The following RXFP1 variants were observed in gnomAD, a reference collection of about 807,000 sequenced individuals.
RXFP1 encodes the protein relaxin family peptide receptor 1.
In RXFP1, 73 loss-of-function variants were observed where a neutral mutation model predicts 89.8. The observed-to-expected ratio is 0.81, with a 90% CI of 0.67 to 0.99. RXFP1 has a LOEUF of 0.99. Among genes scored for constraint, RXFP1 ranks in the 50% least tolerant of loss-of-function variants. RXFP1 has a pLI of 0.00. For missense variants in RXFP1, 793 were observed against 895.5 expected, an observed-to-expected ratio of 0.89 and a Z score of 1.46; for synonymous variants, 277 against 305.5, an observed-to-expected ratio of 0.91 and a Z score of 0.97.
intron 2 of RXFP1, among the ~76,000 whole-genome samples, chr4:158,589,525 A>G (rs1193083218): frequency 2.6e-5 from 4 of 152,146 alleles, no homozygotes; most frequent in Non-Finnish European, 4.4e-5. Flanking sequence ...GAAGCCTGGT[A>G]ATGAAAGGGC....
chr4:158,607,138 A>T, intron 5 of RXFP1: 1 of 1,534,876 alleles, frequency 6.5e-7, no homozygotes, highest in Non-Finnish European at 8.7e-7. Context: ...TGGGGCAAGT[A>T]CACATAGAAG....
In RXFP1 at chr4:158,552,999, A is replaced by G. The variant is rs558261486; in HGVS notation, c.50-19699A>G. Among the ~76,000 whole-genome samples, 40 of 152,288 alleles carry G rather than the reference A, an allele frequency of 2.6e-4. No individual in the cohort carries two copies. The South Asian group carries it at 3.1e-3, about 12-fold the overall frequency. On this transcript the variant is annotated intron_variant, in intron 1 of 17. Coordinates refer to ENST00000307765, the MANE Select transcript of RXFP1 (RefSeq NM_021634.4). ...CAGGAGTTTGAGACCAGCCTAGACAACATAGCAAGACCCTGCCTCTACAAA... is the reference window on the plus strand; with the variant it reads ...CAGGAGTTTGAGACCAGCCTAGACAGCATAGCAAGACCCTGCCTCTACAAA...
intron 1 of RXFP1, among the ~76,000 whole-genome samples, chr4:158,541,097 T>C (rs1222540704): frequency 6.6e-6 from 1 of 152,114 alleles, no homozygotes; most frequent in African/African-American, 2.4e-5. Flanking sequence ...TTGATGGCAT[T>C]CAGAGTCATG....
rs569791518 is a variant in RXFP1, at chr4:158,571,393, G to A, written c.50-1305G>A. Among the ~76,000 whole-genome samples, 617 of 152,274 alleles carry A rather than the reference G, an allele frequency of 4.1e-3. 8 individuals carry two copies. Among genetic ancestry groups the A allele is most frequent in the Non-Finnish European group, 7.7e-3 (524 of 68,030 alleles). Reference sequence around the variant, plus strand: ...GCAGTTAGGGTAAAAGAGGCTGGGCGCGGTGGCTCACACTTGTAATCCCAG... The same window carrying A: ...GCAGTTAGGGTAAAAGAGGCTGGGCACGGTGGCTCACACTTGTAATCCCAG... On this transcript the variant is annotated intron_variant, in intron 1 of 17. Coordinates refer to ENST00000307765, the MANE Select transcript of RXFP1 (RefSeq NM_021634.4).
chr4:158,636,633 C>T (rs1328556426), intron 12 of RXFP1, among the ~76,000 whole-genome samples: 1 of 152,146 alleles, frequency 6.6e-6, no homozygotes. Context: ...ATTTCACTGA[C>T]AAACAAAAAT....
intron 17 of RXFP1, among the ~76,000 whole-genome samples, chr4:158,648,975 T>G (rs1277565689): frequency 6.6e-6 from 1 of 152,146 alleles, no homozygotes; most frequent in African/African-American, 2.4e-5. Flanking sequence ...TAGCTGGGCA[T>G]GGTGGTGCAC....
intron 12 of RXFP1, among the ~76,000 whole-genome samples, chr4:158,634,603 T>C (rs1179120032): frequency 6.6e-6 from 1 of 152,206 alleles, no homozygotes; most frequent in Non-Finnish European, 1.5e-5. Flanking sequence ...CCAAATGTCA[T>C]TGGTGTCATG....
At chr4:158,596,808 A>G (rs775544010) in intron 3 of RXFP1, among the ~76,000 whole-genome samples, 2 of 152,192 alleles carry the variant, frequency 1.3e-5, no homozygotes, top group Non-Finnish European at 2.9e-5. Flanking sequence ...AAGAGAGAAA[A>G]TAATGGGTTA....
intron 12 of RXFP1, among the ~76,000 whole-genome samples, chr4:158,637,034 T>G (rs146232788): frequency 7.2e-4 from 109 of 152,352 alleles, no homozygotes; most frequent in African/African-American, 2.5e-3. Context: ...TGTAGCATAA[T>G]GTCCTCCAGA....
chr4:158,580,140 C>G (rs11935854), intron 2 of RXFP1, among the ~76,000 whole-genome samples: 6,040 of 152,118 alleles, frequency 0.04, 373 homozygotes, highest in African/African-American at 0.14. Flanking sequence ...TTAAGATGTG[C>G]TGGTTTGAAT....
intron 2 of RXFP1, among the ~76,000 whole-genome samples, chr4:158,591,079 C>A (rs1440122402): frequency 6.6e-6 from 1 of 152,112 alleles, no homozygotes; most frequent in Non-Finnish European, 1.5e-5. Flanking sequence ...AACCTCAGGT[C>A]TCACAAGAGT....
intron 1 of RXFP1, among the ~76,000 whole-genome samples, chr4:158,550,616 G>A (rs568894983): frequency 2.0e-5 from 3 of 152,282 alleles, no homozygotes; most frequent in South Asian, 4.1e-4. Context: ...TGATCTTAAA[G>A]GGTAAGATCT....
At chr4:158,561,572 T>C (rs1207753123) in intron 1 of RXFP1, among the ~76,000 whole-genome samples, 2 of 152,196 alleles carry the variant, frequency 1.3e-5, no homozygotes, top group Middle Eastern at 3.4e-3. Context: ...AAAACTCTTA[T>C]GTTTCCAAGC....
At chr4:158,595,986 CAA>C (rs33982853) in intron 3 of RXFP1, among the ~76,000 whole-genome samples, 97 of 113,018 alleles carry the variant, frequency 8.6e-4, no homozygotes, top group African/African-American at 1.8e-3. Flanking sequence ...CCAATCTCTC[CAA>C]AAAAAAAAAA....
At chr4:158,553,998 TGGG>T (rs901733561) in intron 1 of RXFP1, among the ~76,000 whole-genome samples, 2 of 152,122 alleles carry the variant, frequency 1.3e-5, no homozygotes, top group African/African-American at 4.8e-5. Context: ...AATCTTTGTT[TGGG>T]GGAACTGCCC....
chr4:158,542,109 A>ATATATATT, intron 1 of RXFP1, among the ~76,000 whole-genome samples: 39 of 35,234 alleles, frequency 1.1e-3, no homozygotes, highest in African/African-American at 3.1e-3. Context: ...ATATATATAT[A>ATATATATT]TTTTTTTTTT....
chr4:158,581,389 TTTTG>T (rs1244320089), intron 2 of RXFP1, among the ~76,000 whole-genome samples: 1 of 152,214 alleles, frequency 6.6e-6, no homozygotes, highest in Non-Finnish European at 1.5e-5. Flanking sequence ...TCTGTTTTGT[TTTTG>T]TTTGGGAGGA....
Position 158,647,208 on chromosome 4 carries a change from A to G in RXFP1, c.1756+7A>G, listed in dbSNP as rs1580333921. On this transcript the variant is annotated splice_region_variant and intron_variant, in intron 16 of 17. Transcript: ENST00000307765. ...TCAGTGGCAATTTTTCTTGGTAAGAAACTAAGAAACTAATGTTCACAAATT... is the reference window on the plus strand; with the variant it reads ...TCAGTGGCAATTTTTCTTGGTAAGAGACTAAGAAACTAATGTTCACAAATT... The G allele has an allele frequency of 1.9e-6, 3 of 1,544,376 alleles. No homozygotes were observed. Among genetic ancestry groups the G allele is most frequent in the East Asian group, 4.5e-5 (2 of 44,310 alleles).
intron 1 of RXFP1, among the ~76,000 whole-genome samples, chr4:158,556,370 A>G (rs1317338591): frequency 2.6e-5 from 4 of 152,196 alleles, no homozygotes; most frequent in African/African-American, 9.6e-5. Context: ...ACAATGAGAT[A>G]TCATCTCACT....
Sources: gnomAD v4.1 joint callset for allele counts (sites outside exome capture counted in the v4.1 genomes callset) on GRCh38, gnomAD v4.1.1 for gene constraint, MANE v1.5 for transcripts, NCBI Gene and HGNC (gene_info 2026-07-23, HGNC 2026-07-21) for gene names.